PAGE2B: variants seen among roughly 807,000 people sequenced by gnomAD.
PAGE2B encodes the protein PAGE family member 2B.
Under a neutral mutation model 7.6 loss-of-function variants are expected in PAGE2B, and 5 were observed. The observed-to-expected ratio is 0.66, with a 90% CI of 0.34 to 1.38. PAGE2B has a LOEUF of 1.38. PAGE2B is among the 40% of genes most tolerant of loss of function. The pLI is 0.04. For missense variants in PAGE2B, 70 were observed against 78.4 expected (o/e 0.89, Z 0.41); for synonymous variants, 29 against 26.7 (o/e 1.09, Z -0.27).
At chrX:55,040,294 C>T in the PAGE2B span, among the ~76,000 whole-genome samples, 1 of 109,689 alleles carries the variant, frequency 9.1e-6, no homozygotes, top group African/African-American at 3.3e-5. Flanking sequence ...CTCCCCCCTC[C>T]CCCACCCCAC....
At chrX:55,061,315 G>A in the PAGE2B span, among the ~76,000 whole-genome samples, 4 of 110,842 alleles carry the variant, frequency 3.6e-5, no homozygotes, top group Non-Finnish European at 7.6e-5. Flanking sequence ...GCGTCGTAGG[G>A]GTTGGCGTAC....
the PAGE2B span, among the ~76,000 whole-genome samples, chrX:55,046,365 C>T: frequency 1.3e-4 from 14 of 111,649 alleles, no homozygotes; most frequent in Admixed American, 2.9e-4. Flanking sequence ...CTGCCCGCCT[C>T]GGCCTCTCAA....
the PAGE2B span, among the ~76,000 whole-genome samples, chrX:55,065,687 C>CT: frequency 1.8e-5 from 2 of 111,035 alleles, no homozygotes; most frequent in Non-Finnish European, 3.8e-5. Flanking sequence ...TTAATTTTTC[C>CT]TTTTTATTTT....
At chrX:55,051,236 T>G in the PAGE2B span, among the ~76,000 whole-genome samples, 1 of 111,390 alleles carries the variant, frequency 9.0e-6, no homozygotes, top group Non-Finnish European at 1.9e-5. Flanking sequence ...CTGGCTGCCC[T>G]TAACATTTTT....
At chrX:55,045,835 A>G in the PAGE2B span, among the ~76,000 whole-genome samples, 1 of 112,036 alleles carries the variant, frequency 8.9e-6, no homozygotes, top group South Asian at 3.7e-4. Flanking sequence ...GAAAAACACT[A>G]CATGTTCCTT....
chrX:55,042,498 C>T, the PAGE2B span, among the ~76,000 whole-genome samples: 1 of 105,645 alleles, frequency 9.5e-6, no homozygotes, highest in African/African-American at 3.5e-5. Flanking sequence ...ACTAAAAATA[C>T]AAAAAATTAG....
chrX:55,051,257 C>G, the PAGE2B span, among the ~76,000 whole-genome samples: 2 of 111,322 alleles, frequency 1.8e-5, no homozygotes, highest in African/African-American at 6.5e-5. Flanking sequence ...TCCTTCATTT[C>G]AACTTTGGTG....
chrX:55,062,077 C>T, the PAGE2B span, among the ~76,000 whole-genome samples: 2 of 111,603 alleles, frequency 1.8e-5, no homozygotes, highest in Non-Finnish European at 3.8e-5. Flanking sequence ...CATATCTCTT[C>T]GTTATCCTGA....
At chrX:55,047,612 A>G in the PAGE2B span, among the ~76,000 whole-genome samples, 1 of 111,739 alleles carries the variant, frequency 8.9e-6, no homozygotes, top group African/African-American at 3.3e-5. Flanking sequence ...TCGCCATTCT[A>G]ACTGGTGTGA....
upstream of PAGE2B, among the ~76,000 whole-genome samples, chrX:55,070,497 A>C (rs1936438914): frequency 9.0e-6 from 1 of 111,717 alleles, no homozygotes; most frequent in South Asian, 3.7e-4. Context: ...TGCTGAGAAG[A>C]ATGTATATTC....
chrX:55,067,506 A>G, the PAGE2B span, among the ~76,000 whole-genome samples: 1 of 111,908 alleles, frequency 8.9e-6, no homozygotes, highest in African/African-American at 3.3e-5. Context: ...CAGTGCTGCA[A>G]TAAACATACG....
At chrX:55,032,614 G>T in the PAGE2B span, among the ~76,000 whole-genome samples, 1 of 111,627 alleles carries the variant, frequency 9.0e-6, no homozygotes, top group African/African-American at 3.3e-5. Flanking sequence ...GACAGTCATA[G>T]AACCTACCCT....
chrX:55,029,288 C>T, the PAGE2B span, among the ~76,000 whole-genome samples: 2 of 111,359 alleles, frequency 1.8e-5, no homozygotes, highest in South Asian at 7.7e-4. Context: ...TCTCCACTGA[C>T]ATTGGACTAG....
At chrX:55,037,931 T>C in the PAGE2B span, among the ~76,000 whole-genome samples, 868 of 100,514 alleles carry the variant, frequency 8.6e-3, 11 homozygotes, top group African/African-American at 0.03. Context: ...GGGATAGCAT[T>C]AGGAGATATA....
At chrX:55,037,350 G>A in the PAGE2B span, among the ~76,000 whole-genome samples, 6 of 111,232 alleles carry the variant, frequency 5.4e-5, no homozygotes, top group Middle Eastern at 4.7e-3. Context: ...AACCACAATG[G>A]GATACCATCT....
chrX:55,076,616 T>A lies in PAGE2B; in HGVS notation c.132T>A (p.Thr44=). The change falls in exon 3 of 5, where the codon ACT becomes ACA. Residue 44 remains threonine (T), a synonymous_variant. Coordinates refer to ENST00000374971, the MANE Select transcript of PAGE2B (RefSeq NM_001015038.3). ...AACGTCAAGAAGAGGAACCACCAAC[T>A]GATAATCAGGGTATTGCACCTAGTG... ...EEKRQEEEPP[T]DNQGIAPSGE... is the part of the protein sequence containing the mutation. 8.3e-7 allele frequency: 1 copy of A among 1,208,240 alleles called. No homozygotes were observed.
In PAGE2B at chrX:55,076,120, G is replaced by C. The variant is rs774720939; in HGVS notation, c.79G>C (p.Val27Leu). ...AGAGTCTTCCCAGCCAGTTGGATCTGTGATTGTGAGTCCTTTAACATTTGA... is the reference window on the plus strand; with the variant it reads ...AGAGTCTTCCCAGCCAGTTGGATCTCTGATTGTGAGTCCTTTAACATTTGA... ...DQESSQPVGSVIVQEPTEEKR... is the reference protein window; with the variant it reads ...DQESSQPVGSLIVQEPTEEKR... The change falls in exon 2 of 5, where the codon GTG becomes CTG. Residue 27 changes from valine to leucine, a missense_variant. Transcript: ENST00000374971. 2.5e-6 allele frequency: 3 copies of C among 1,198,753 alleles called. No homozygotes were observed. Among genetic ancestry groups the C allele is most frequent in the Admixed American group, 4.5e-5 (2 of 44,847 alleles).
the PAGE2B span, among the ~76,000 whole-genome samples, chrX:55,062,264 T>C: frequency 4.6e-4 from 51 of 111,615 alleles, no homozygotes; most frequent in Non-Finnish European, 1.3e-4. Flanking sequence ...GCATTTATCA[T>C]TGCCTGACTT....
At chrX:55,049,748 A>G in the PAGE2B span, among the ~76,000 whole-genome samples, 1 of 110,893 alleles carries the variant, frequency 9.0e-6, no homozygotes. Flanking sequence ...TGATCTTTTC[A>G]AAAAACCAGC....
Sources: gnomAD v4.1 joint callset for allele counts (sites outside exome capture counted in the v4.1 genomes callset) on GRCh38, gnomAD v4.1.1 for gene constraint, MANE v1.5 for transcripts, NCBI Gene and HGNC (gene_info 2026-07-23, HGNC 2026-07-21) for gene names.